The following OSR1 variants were observed in gnomAD, a reference collection of about 807,000 sequenced individuals.
OSR1 encodes odd-skipped related transcription factor 1.
In OSR1, 3 loss-of-function variants were observed where a neutral mutation model predicts 15.7. That is an observed-to-expected ratio of 0.19 (90% CI 0.09 to 0.50). OSR1 has a LOEUF of 0.50. Among genes scored for constraint, OSR1 ranks in the 20% least tolerant of loss-of-function variants. OSR1 has a pLI of 0.97. For synonymous variants in OSR1, 166 were observed against 152.7 expected (o/e 1.09, Z -0.64); for missense variants, 271 against 351.1 (o/e 0.77, Z 1.82).
At position 19,353,346 on chromosome 2, in the gene OSR1, T is replaced by C; in HGVS notation, c.460A>G (p.Thr154Ala). 1.2e-6 allele frequency: 2 copies of C among 1,614,214 alleles called. No individual in the cohort carries two copies. The highest frequency in any genetic ancestry group is 8.5e-7 in the Non-Finnish European group (1 of 1,180,030). ...GGCTTCTTTTCTGGAGACAGCTTGGTCACGTCGAGGAGGGCACCCAGCCCA... is the reference window on the plus strand; with the variant it reads ...GGCTTCTTTTCTGGAGACAGCTTGGCCACGTCGAGGAGGGCACCCAGCCCA... ...AGGLGALLDVTKLSPEKKPTR... is the reference protein window; with the variant it reads ...AGGLGALLDVAKLSPEKKPTR... The change falls in exon 2 of 3, where the codon ACC (threonine) becomes GCC (alanine). Residue 154 changes from threonine (T) to alanine (A), a missense_variant. By Grantham distance (58) the Thr-to-Ala change is moderately conservative. Coordinates refer to ENST00000272223, the MANE Select transcript of OSR1 (RefSeq NM_145260.3).
chr2:19,356,724 C>G (rs1274065895), intron 1 of OSR1: 4 of 152,252 alleles, frequency 2.6e-5, no homozygotes, highest in East Asian at 3.9e-4. Flanking sequence ...TAAGGGGACC[C>G]GACCACGCAC....
chr2:19,353,658 C>T lies in OSR1; in HGVS notation c.148G>A (p.Val50Met), dbSNP rs1315057016. Residue 50 changes from valine to methionine, a missense_variant, in exon 2 of 3, where the codon GTG becomes ATG. Val to Met is a conservative substitution (Grantham distance 21, BLOSUM62 1). Transcript: ENST00000272223. ...CCCAGCGTCCACTGATGCAGGTGCA[C>T]AGCGTGCAACGCGCTGAAACCATAC... is the stretch of plus-strand genomic sequence containing the variant. ...NLYGFSALHA[V>M]HLHQWTLGYP... The T allele has an allele frequency of 6.2e-7, 1 of 1,614,122 alleles. No homozygotes were observed. The highest frequency in any genetic ancestry group is 1.3e-5 in the African/African-American group (1 of 74,948).
At chr2:19,346,844 T>C (rs148650985), downstream of OSR1, 16 of 152,364 alleles carry the variant, frequency 1.1e-4, no homozygotes, top group East Asian at 3.1e-3. Context: ...CACTTCCCTA[T>C]CTTTGCAGTC....
At chr2:19,354,117 A>T (rs1441462971) in intron 1 of OSR1, 4 of 330,210 alleles carry the variant, frequency 1.2e-5, no homozygotes, top group African/African-American at 6.1e-5. Context: ...GGCCTACTGT[A>T]TGCAAGACAC....
Position 19,357,441 on chromosome 2 carries a change from G to A in OSR1, c.-33+900C>T, listed in dbSNP as rs1470119637. On this transcript the variant is annotated intron_variant, in intron 1 of 2. Coordinates refer to ENST00000272223, the MANE Select transcript of OSR1 (RefSeq NM_145260.3). This position sits in a 1 kb window ranked among gnomAD's most constrained non-coding sequence, Gnocchi z 5.0. ...CTGAGCTGCTGAAAAAGGACTAAAC[G>A]TGGTTTTTCATTCTTCTCCGAGACA... Among the ~76,000 whole-genome samples, 3 of 152,186 alleles carry A rather than the reference G, an allele frequency of 2.0e-5. No individual in the cohort carries two copies. The East Asian group carries it at 5.8e-4, about 29-fold the overall frequency.
intron 1 of OSR1, among the ~76,000 whole-genome samples, chr2:19,358,118 A>T (rs1664988027): frequency 6.6e-6 from 1 of 152,088 alleles, no homozygotes; most frequent in African/African-American, 2.4e-5. Context: ...CGCCCCCCTT[A>T]ATCCCCAGCG....
At position 19,355,257 on chromosome 2, in the gene OSR1, C is replaced by G. The variant is rs79841722; in HGVS notation, c.-32-1420G>C. On this transcript the variant is annotated intron_variant, in intron 1 of 2. Coordinates refer to ENST00000272223, the MANE Select transcript of OSR1 (RefSeq NM_145260.3). ...CCTAGCTTCAATCCCCTGCTGTTGA[C>G]TTCTTCCTTTACCCTTCATTACTCT... The G allele has an allele frequency of 7.2e-4, 110 of 152,596 alleles. 1 individual carries two copies. Among genetic ancestry groups the G allele is most frequent in the Non-Finnish European group, 1.3e-3 (86 of 68,166 alleles). The allele number at this position is 152,596 out of a possible 1,614,324, so 9.5% of individuals were successfully genotyped here.
chr2:19,346,715 T>A (rs1197176627), downstream of OSR1: 3 of 152,228 alleles, frequency 2.0e-5, no homozygotes, highest in Non-Finnish European at 4.4e-5. Context: ...ATGCAATGAG[T>A]CCTGATCGCA....
the OSR1 span, among the ~76,000 whole-genome samples, chr2:19,345,460 C>G: frequency 6.6e-6 from 1 of 151,848 alleles, no homozygotes; most frequent in Non-Finnish European, 1.5e-5. Flanking sequence ...GTCTTTAATC[C>G]ATCTTGAATT....
chr2:19,350,704 C>T (rs1302055138), downstream of OSR1, among the ~76,000 whole-genome samples: 1 of 152,120 alleles, frequency 6.6e-6, no homozygotes, highest in African/African-American at 2.4e-5. Flanking sequence ...GGCGGCCTGG[C>T]TTCTAACTGT....
chr2:19,348,501 C>T (rs1221894944), downstream of OSR1: 3 of 154,214 alleles, frequency 1.9e-5, no homozygotes, highest in Non-Finnish European at 2.9e-5. Context: ...GCTTCGCGCT[C>T]TGAGAGGTGG....
At chr2:19,348,457 G>C (rs566905133), downstream of OSR1, 26 of 154,358 alleles carry the variant, frequency 1.7e-4, no homozygotes, top group Middle Eastern at 2.1e-3. Context: ...GTGACGTCAC[G>C]GTGTCTGCGG....
Position 19,351,934 on chromosome 2 carries a change from G to A in OSR1, c.*341C>T, listed in dbSNP as rs1664848676. 1 of 199,742 alleles carries A rather than the reference G, an allele frequency of 5.0e-6. No individual in the cohort carries two copies. Among genetic ancestry groups the A allele is most frequent in the Non-Finnish European group, 1.0e-5 (1 of 98,618 alleles). 12.4% of individuals were successfully genotyped at this position (199,742 alleles called of 1,614,324 possible). ...CAAAGACAAAAATAAAAAAGAAAACGTATAAAATAACAATAGAAAAAGTAA... is the reference window on the plus strand; with the variant it reads ...CAAAGACAAAAATAAAAAAGAAAACATATAAAATAACAATAGAAAAAGTAA... On this transcript the variant is annotated 3_prime_UTR_variant, in exon 3 of 3. Coordinates refer to ENST00000272223, the MANE Select transcript of OSR1 (RefSeq NM_145260.3).
chr2:19,355,805 C>T (rs1664937457), intron 1 of OSR1: 1 of 152,224 alleles, frequency 6.6e-6, no homozygotes, highest in African/African-American at 2.4e-5. Context: ...AAGCTCGGGT[C>T]GTGCCCGGGA....
chr2:19,347,039 T>C (rs768431300), downstream of OSR1, among the ~76,000 whole-genome samples: 3 of 152,198 alleles, frequency 2.0e-5, no homozygotes, highest in Non-Finnish European at 4.4e-5. Flanking sequence ...CCCTACGTCA[T>C]TGAAAAAAGG....
chr2:19,350,787 G>A (rs936945682), downstream of OSR1, among the ~76,000 whole-genome samples: 2 of 152,166 alleles, frequency 1.3e-5, no homozygotes, highest in African/African-American at 4.8e-5. Flanking sequence ...TAAGCGTCCC[G>A]GGCCTCCCAG....
chr2:19,349,313 G>A (rs1384348383), downstream of OSR1, among the ~76,000 whole-genome samples: 4 of 152,160 alleles, frequency 2.6e-5, no homozygotes, highest in Admixed American at 2.6e-4. Flanking sequence ...TGTAGTTACT[G>A]TTTCTGCACA....
the OSR1 span, among the ~76,000 whole-genome samples, chr2:19,346,423 T>C: frequency 6.6e-6 from 1 of 152,198 alleles, no homozygotes; most frequent in African/African-American, 2.4e-5. Context: ...ATAAAGAACA[T>C]TGTGTGGCCA....
intron 1 of OSR1, chr2:19,356,757 G>A (rs1260882124): frequency 1.3e-5 from 2 of 152,284 alleles, no homozygotes; most frequent in Non-Finnish European, 2.9e-5. Flanking sequence ...TCGCGCTCGG[G>A]ATCCCGAGTC....
Sources: gnomAD v4.1 joint callset for allele counts (sites outside exome capture counted in the v4.1 genomes callset) on GRCh38, gnomAD v4.1.1 for gene constraint, Gnocchi (gnomAD v3.1) non-coding constraint, MANE v1.5 for transcripts, NCBI Gene and HGNC (gene_info 2026-07-23, HGNC 2026-07-21) for gene names.